CBLN2: variants seen among roughly 807,000 people sequenced by gnomAD.
The protein encoded by CBLN2 is cerebellin 2 precursor, also known as cerebellin-2.
CBLN2 carries 7 observed loss-of-function variants against 15.0 expected under a neutral mutation model. That is an observed-to-expected ratio of 0.47 (90% CI 0.27 to 0.88). CBLN2 has a LOEUF of 0.88. CBLN2 is among the 40% of genes least tolerant of loss of function. The pLI, the probability that CBLN2 is intolerant of heterozygous loss-of-function variation, is 0.14. For missense variants in CBLN2, 242 were observed against 304.5 expected (o/e 0.79, Z 1.53); for synonymous variants, 149 against 135.2 (o/e 1.10, Z -0.71).
chr18:72,599,805 C>G (rs1476779731), intron 1 of CBLN2, among the ~76,000 whole-genome samples: 2 of 152,218 alleles, frequency 1.3e-5, no homozygotes, highest in African/African-American at 4.8e-5. Context: ...TGACCTTCAT[C>G]TTGTGAGATT....
chr18:72,621,681 C>A (rs2069701579), intron 1 of CBLN2, among the ~76,000 whole-genome samples: 1 of 152,142 alleles, frequency 6.6e-6, no homozygotes, highest in Non-Finnish European at 1.5e-5. Flanking sequence ...GTTTGTTTTA[C>A]CCTGAAGCTT....
intron 1 of CBLN2, among the ~76,000 whole-genome samples, chr18:72,608,725 G>C (rs1416616388): frequency 6.6e-6 from 1 of 152,172 alleles, no homozygotes; most frequent in African/African-American, 2.4e-5. Flanking sequence ...TGTTGGGGCT[G>C]AGGGGCAGTA....
At chr18:72,620,358 AT>A (rs1220840013) in intron 1 of CBLN2, 1 of 152,212 alleles carries the variant, frequency 6.6e-6, no homozygotes, top group Non-Finnish European at 1.5e-5. Context: ...AGACAATTTC[AT>A]TGAACGATGA....
intron 1 of CBLN2, among the ~76,000 whole-genome samples, chr18:72,605,261 G>A (rs1392145039): frequency 6.6e-6 from 1 of 152,028 alleles, no homozygotes; most frequent in Non-Finnish European, 1.5e-5. Context: ...TGGAAATACA[G>A]GCATTGTTGT....
chr18:72,607,799 T>C (rs976507550), intron 1 of CBLN2, among the ~76,000 whole-genome samples: 23 of 152,108 alleles, frequency 1.5e-4, no homozygotes, highest in African/African-American at 5.1e-4. Context: ...ATTCCATTTT[T>C]GTAGTCTACA....
chr18:72,632,600 A>G lies in CBLN2; in HGVS notation c.15+5725T>C, dbSNP rs1410870581. Among the ~76,000 whole-genome samples, 4 of 152,150 alleles carry G rather than the reference A, an allele frequency of 2.6e-5. No individual in the cohort carries two copies. The South Asian group carries it at 6.2e-4, about 24-fold the overall frequency. On this transcript the variant is annotated intron_variant, in intron 1 of 2. Coordinates refer to the CBLN2 transcript ENST00000581073. ...GACTGTCTTCTTAGGACTCTATCTG[A>G]TAATGTCACACACCTGCTTTAGATT... is the stretch of plus-strand genomic sequence containing the variant.
intron 1 of CBLN2, chr18:72,620,430 C>T (rs1436394767): frequency 6.6e-6 from 1 of 152,214 alleles, no homozygotes; most frequent in Non-Finnish European, 1.5e-5. Flanking sequence ...GGTAATCTTC[C>T]CCTCAAGTCT....
At chr18:72,565,432 G>T (rs2069288350) in intron 1 of CBLN2, among the ~76,000 whole-genome samples, 2 of 151,984 alleles carry the variant, frequency 1.3e-5, no homozygotes, top group South Asian at 2.1e-4. Flanking sequence ...AATAAAAATG[G>T]TCAACAATAG....
intron 1 of CBLN2, among the ~76,000 whole-genome samples, chr18:72,558,029 TA>T (rs2069237446): frequency 6.6e-6 from 1 of 152,114 alleles, no homozygotes; most frequent in Non-Finnish European, 1.5e-5. Flanking sequence ...TCTCATGAAA[TA>T]TGTCACGGAA....
At chr18:72,626,974 C>T (rs2069743731) in intron 1 of CBLN2, among the ~76,000 whole-genome samples, 1 of 152,180 alleles carries the variant, frequency 6.6e-6, no homozygotes, top group Non-Finnish European at 1.5e-5. Flanking sequence ...TATAAATGGA[C>T]ACATGCAGTG....
chr18:72,602,725 AC>A (rs2069557027), intron 1 of CBLN2, among the ~76,000 whole-genome samples: 1 of 152,140 alleles, frequency 6.6e-6, no homozygotes, highest in African/African-American at 2.4e-5. Context: ...GAGATTTGCC[AC>A]CGAAGAAAAA....
chr18:72,558,177 G>A (rs758573583), intron 1 of CBLN2, among the ~76,000 whole-genome samples: 19 of 152,174 alleles, frequency 1.2e-4, no homozygotes, highest in South Asian at 2.1e-4. Flanking sequence ...ACCTTGGGCC[G>A]TGTGGCATCA....
chr18:72,581,421 G>A (rs1209833057), intron 1 of CBLN2, among the ~76,000 whole-genome samples: 2 of 152,040 alleles, frequency 1.3e-5, no homozygotes, highest in Non-Finnish European at 1.5e-5. Context: ...CCATTCTTAT[G>A]GATGTTATAA....
At chr18:72,560,087 T>C (rs914786292) in intron 1 of CBLN2, among the ~76,000 whole-genome samples, 11 of 152,184 alleles carry the variant, frequency 7.2e-5, no homozygotes, top group African/African-American at 2.7e-4. Flanking sequence ...GCTCCCAATT[T>C]TTCACTGTTT....
chr18:72,554,659 GA>G (rs917154230), intron 1 of CBLN2, among the ~76,000 whole-genome samples: 1 of 149,106 alleles, frequency 6.7e-6, no homozygotes, highest in African/African-American at 2.5e-5. Flanking sequence ...TGCCTGCAAA[GA>G]AAAAAAAAAC....
At chr18:72,611,728 C>A (rs796803131) in intron 1 of CBLN2, among the ~76,000 whole-genome samples, 20 of 152,254 alleles carry the variant, frequency 1.3e-4, no homozygotes, top group African/African-American at 4.8e-4. Context: ...TTTTGCTGGG[C>A]AGAAGCTCTT....
chr18:72,553,958 C>T (rs1263183603), intron 1 of CBLN2, among the ~76,000 whole-genome samples: 1 of 152,160 alleles, frequency 6.6e-6, no homozygotes, highest in Non-Finnish European at 1.5e-5. Flanking sequence ...CCTTCATTGC[C>T]ATGCCTGGGT....
At chr18:72,560,246 G>A (rs1022845539) in intron 1 of CBLN2, among the ~76,000 whole-genome samples, 8 of 152,184 alleles carry the variant, frequency 5.3e-5, no homozygotes, top group Admixed American at 5.2e-4. Context: ...CCCAGATGCA[G>A]GCCAGTCATG....
rs193130187 is a variant in CBLN2 at position 72,538,014 on chromosome 18, A to G, written c.*162T>C. 10 of 713,342 alleles carry G rather than the reference A, an allele frequency of 1.4e-5. No individual in the cohort carries two copies. In the African/African-American group the frequency reaches 1.6e-4, roughly 12 times the overall value. The allele number at this position is 713,342 out of a possible 1,614,324, so 44.2% of individuals were successfully genotyped here. Reference sequence around the variant, plus strand: ...GGAATTGTCAGTATTCCAAAAAACAAAAACAAAAGTACTGGAGGTTTCAAA... The same window carrying G: ...GGAATTGTCAGTATTCCAAAAAACAGAAACAAAAGTACTGGAGGTTTCAAA... On this transcript the variant is annotated 3_prime_UTR_variant, in exon 5 of 5. Coordinates refer to ENST00000269503, the MANE Select transcript of CBLN2 (RefSeq NM_182511.4).
Sources: gnomAD v4.1 joint callset for allele counts (sites outside exome capture counted in the v4.1 genomes callset) on GRCh38, gnomAD v4.1.1 for gene constraint, MANE v1.5 for transcripts, NCBI Gene and HGNC (gene_info 2026-07-23, HGNC 2026-07-21) for gene names.